FBXL16: variants seen among roughly 807,000 people sequenced by gnomAD.
FBXL16 encodes the protein F-box/LRR-repeat protein 16.
Under a neutral mutation model 36.7 loss-of-function variants are expected in FBXL16, and 7 were observed. The observed-to-expected ratio is 0.19, with a 90% CI of 0.11 to 0.36. FBXL16 has a LOEUF of 0.36. Ranked by LOEUF, FBXL16 falls within the 10% of genes least tolerant of loss-of-function variation. The probability of loss-of-function intolerance (pLI) is 1.00; values close to 1 mark genes in which losing one functional copy is unlikely to be tolerated. For missense variants in FBXL16, 463 were observed against 659.4 expected, an observed-to-expected ratio of 0.70 and a Z score of 3.26; for synonymous variants, 355 against 308.7, an observed-to-expected ratio of 1.15 and a Z score of -1.57.
At chr16:703,870 G>A (rs1161974450) in intron 1 of FBXL16, among the ~76,000 whole-genome samples, 2 of 152,262 alleles carry the variant, frequency 1.3e-5, no homozygotes, top group African/African-American at 2.4e-5. Flanking sequence ...GCCCCTGCTC[G>A]GAAGAGCATG....
intron 1 of FBXL16, among the ~76,000 whole-genome samples, chr16:702,154 C>T (rs1225571313): frequency 6.6e-6 from 1 of 152,170 alleles, no homozygotes; most frequent in African/African-American, 2.4e-5. Context: ...GCCTCTTCTG[C>T]GAATCAAGTC....
chr16:695,964 G>A, intron 2 of FBXL16, 41 bp from the exon 3 acceptor site: 1 of 1,542,840 alleles, frequency 6.5e-7, no homozygotes, highest in East Asian at 2.3e-5. Context: ...GCAGGAGAAG[G>A]GGTGGAGCCC....
intron 4 of FBXL16, 110 bp downstream of exon 4, chr16:694,882 T>C: frequency 7.7e-7 from 1 of 1,300,402 alleles, no homozygotes; most frequent in Non-Finnish European, 1.0e-6. Context: ...GGTCGGCTGC[T>C]GGATAGGGAG....
chr16:705,581 G>T lies in FBXL16; in HGVS notation c.-84C>A, dbSNP rs1019300067. ...CCTCCCGTCATGGGGAGCCCGGCAT[G>T]GGCGTCGGCGCGCGGGGGCCGCCGG... On this transcript the variant is annotated 5_prime_UTR_variant, in exon 1 of 6. Transcript: ENST00000397621. 6.7e-6 allele frequency: 1 copy of T among 150,114 alleles called. No individual in the cohort carries two copies. The allele number at this position is 150,114 out of a possible 1,614,324, so 9.3% of individuals were successfully genotyped here. A position where few individuals can be genotyped will look rare whatever the true frequency, so the allele number is the denominator to read the frequency against.
chr16:692,916 ACT>A lies in FBXL16; in HGVS notation c.*1357_*1358del, dbSNP rs2039981698. ...CTCTCTCTCTTTCTCTCTCTCTCTC[ACT>A]CTCTTTCTCTCTCTCACTCTCTGGC... On this transcript the variant is annotated 3_prime_UTR_variant, in exon 6 of 6. Transcript: ENST00000397621. The A allele has an allele frequency of 6.7e-6, 1 of 149,258 alleles. No individual in the cohort carries two copies. The highest frequency in any genetic ancestry group is 1.5e-5 in the Non-Finnish European group (1 of 67,140). The allele number at this position is 149,258 out of a possible 1,614,324, so 9.2% of individuals were successfully genotyped here. A position where few individuals can be genotyped will look rare whatever the true frequency, so the allele number is the denominator to read the frequency against.
chr16:702,994 C>G (rs2040067901), intron 1 of FBXL16, among the ~76,000 whole-genome samples: 1 of 152,248 alleles, frequency 6.6e-6, no homozygotes, highest in South Asian at 2.1e-4. Flanking sequence ...CACACACTGC[C>G]TAACTAGGAG....
Position 699,902 on chromosome 16 carries a change from G to T in FBXL16, c.-14-2483C>A, listed in dbSNP as rs528157006. 2.6e-5 allele frequency among the ~76,000 whole-genome samples: 4 copies of T among 152,338 alleles called. No homozygotes were observed. In the South Asian group the frequency reaches 6.2e-4, roughly 24 times the overall value. The stretch of plus-strand genomic sequence containing the variant: ...TATGCAGACTCTCAGGAAGAGGATG[G>T]CTCACATCTTTTTGGCTGAGTGTCC... On this transcript the variant is annotated intron_variant, in intron 1 of 5. Coordinates refer to ENST00000397621, the MANE Select transcript of FBXL16 (RefSeq NM_153350.4).
chr16:700,601 GGA>G (rs1484005948), intron 1 of FBXL16, among the ~76,000 whole-genome samples: 2 of 152,164 alleles, frequency 1.3e-5, no homozygotes. Context: ...CCAGAGCCGG[GGA>G]GAGGGGATAT....
chr16:701,908 A>G (rs1484060202), intron 1 of FBXL16, among the ~76,000 whole-genome samples: 2 of 152,100 alleles, frequency 1.3e-5, no homozygotes, highest in African/African-American at 4.8e-5. Flanking sequence ...AAAGAGAGAG[A>G]GGTGGCCCCA....
intron 5 of FBXL16, 60 bp from the exon 6 acceptor site, chr16:694,483 C>G (rs916836879): frequency 3.3e-6 from 5 of 1,496,428 alleles, no homozygotes; most frequent in Non-Finnish European, 4.5e-6. Flanking sequence ...CGGGGACGGC[C>G]GGGCCGCGCC....
Position 695,332 on chromosome 16 carries a change from C to T in FBXL16, c.1142+83G>A, listed in dbSNP as rs1280473824. On this transcript the variant is annotated intron_variant, in intron 3 of 5. Coordinates refer to ENST00000397621, the MANE Select transcript of FBXL16 (RefSeq NM_153350.4). ...CAGCCCCGCCGGAAGCCCCCGCCCCCGGCCCCGTGCAGCCCCGCCCCGCCC... is the reference window on the plus strand; with the variant it reads ...CAGCCCCGCCGGAAGCCCCCGCCCCTGGCCCCGTGCAGCCCCGCCCCGCCC... The T allele has an allele frequency of 4.6e-6, 5 of 1,076,198 alleles. No homozygotes were observed. In the South Asian group the frequency reaches 7.7e-5, roughly 17 times the overall value. The allele number at this position is 1,076,198 out of a possible 1,614,324, so 66.7% of individuals were successfully genotyped here.
chr16:703,363 C>T (rs1170613025), intron 1 of FBXL16, among the ~76,000 whole-genome samples: 3 of 152,194 alleles, frequency 2.0e-5, no homozygotes, highest in African/African-American at 4.8e-5. Flanking sequence ...TCTCTGGTGC[C>T]CCCATCTCTG....
At position 693,270 on chromosome 16, in the gene FBXL16, C is replaced by T; in HGVS notation, c.*1005G>A. The T allele has an allele frequency of 6.6e-6, 1 of 152,472 alleles. No individual in the cohort carries two copies. Among genetic ancestry groups the T allele is most frequent in the Non-Finnish European group, 1.5e-5 (1 of 68,150 alleles). 9.4% of individuals were successfully genotyped at this position (152,472 alleles called of 1,614,324 possible). On this transcript the variant is annotated 3_prime_UTR_variant, in exon 6 of 6. Coordinates refer to ENST00000397621, the MANE Select transcript of FBXL16 (RefSeq NM_153350.4). ...GAAGATTGGAGTCGCTGACCCAGTG[C>T]TGACCCTGACCCTTGGCTGGGTCCA...
Position 694,218 on chromosome 16 carries a change from C to T in FBXL16, c.*57G>A. 5 of 1,206,954 alleles carry T rather than the reference C, an allele frequency of 4.1e-6. No individual in the cohort carries two copies. The highest frequency in any genetic ancestry group is 5.2e-6 in the Non-Finnish European group (5 of 955,956). The allele number at this position is 1,206,954 out of a possible 1,614,324, so 74.8% of individuals were successfully genotyped here. On this transcript the variant is annotated 3_prime_UTR_variant, in exon 6 of 6. Coordinates refer to ENST00000397621, the MANE Select transcript of FBXL16 (RefSeq NM_153350.4). ...GCGGGAAGAGGGGGCTCGGCGGCGCCCCGCGCCCCCGCCCAGGTCATGGCC... is the reference window on the plus strand; with the variant it reads ...GCGGGAAGAGGGGGCTCGGCGGCGCTCCGCGCCCCCGCCCAGGTCATGGCC...
rs770296082 is a variant in FBXL16, at chr16:697,116, G to C, written c.290C>G (p.Thr97Arg). 1 of 1,606,860 alleles carries C rather than the reference G, an allele frequency of 6.2e-7. No individual in the cohort carries two copies. Among genetic ancestry groups the C allele is most frequent in the African/African-American group, 1.3e-5 (1 of 74,870 alleles). The change falls in exon 2 of 6, where the codon ACG becomes AGG. Residue 97 changes from threonine (T) to arginine (R), a missense_variant. By Grantham distance (71) the Thr-to-Arg change is moderately conservative. Transcript: ENST00000397621. The surrounding 1 kb of genome is among the most constrained non-coding windows in gnomAD (Gnocchi z 4.6). ...GHPAERPPLA[T>R]DEKILNGLFW... ...GAGCCCATTGAGGATCTTCTCGTCC[G>C]TGGCCAGCGGCGGCCGCTCCGCTGG...
At chr16:695,102 C>T in intron 3 of FBXL16, 26 bp from the exon 4 acceptor site, 1 of 1,594,702 alleles carries the variant, frequency 6.3e-7, no homozygotes, top group Non-Finnish European at 8.5e-7. Context: ...AGGGGACCCC[C>T]ACCTTCAAAT....
In FBXL16 at chr16:694,304, G is replaced by A. The variant is rs778348353; in HGVS notation, c.1411C>T (p.His471Tyr). 5 of 1,464,206 alleles carry A rather than the reference G, an allele frequency of 3.4e-6. No individual in the cohort carries two copies. The highest frequency in any genetic ancestry group is 3.6e-6 in the Non-Finnish European group (4 of 1,108,428). The allele number at this position is 1,464,206 out of a possible 1,614,324, so 90.7% of individuals were successfully genotyped here. The change falls in exon 6 of 6, where the codon CAC (histidine) becomes TAC (tyrosine). Residue 471 changes from histidine to tyrosine, a missense_variant. By Grantham distance (83) the His-to-Tyr change is moderately conservative. Around this residue, in one of 3 missense-constraint regions of FBXL16, gnomAD observed 134 missense variants for 172.0 expected, o/e 0.78. Coordinates refer to ENST00000397621, the MANE Select transcript of FBXL16 (RefSeq NM_153350.4). ...TPELFKYFSQ[H>Y]LPRCLVIE The stretch of plus-strand genomic sequence containing the variant: ...TCAATGACGAGGCAGCGGGGCAGGT[G>A]CTGCGAGAAATACTTGAAGAGCTCG...
chr16:694,793 G>A, intron 4 of FBXL16, 96 bp from the exon 5 acceptor site: 2 of 1,392,316 alleles, frequency 1.4e-6, no homozygotes, highest in African/African-American at 1.4e-5. Flanking sequence ...TCAAGCCCGG[G>A]GTTCCTCCGT....
chr16:703,379 A>C (rs1477730150), intron 1 of FBXL16, among the ~76,000 whole-genome samples: 3 of 152,150 alleles, frequency 2.0e-5, no homozygotes, highest in Admixed American at 6.5e-5. Flanking sequence ...CTCTGTCAGC[A>C]CCAGACTGGG....
Sources: gnomAD v4.1 joint callset for allele counts (sites outside exome capture counted in the v4.1 genomes callset) on GRCh38, gnomAD v4.1.1 for gene constraint, gnomAD v4.1.1 regional missense constraint, Gnocchi (gnomAD v3.1) non-coding constraint, MANE v1.5 for transcripts, NCBI Gene and HGNC (gene_info 2026-07-23, HGNC 2026-07-21) for gene names.